The following INSYN1 variants were observed in gnomAD, a reference collection of about 807,000 sequenced individuals.
The protein encoded by INSYN1 is UPF0583 protein C15orf59.
In INSYN1, 7 loss-of-function variants were observed where a neutral mutation model predicts 17.1. That is an observed-to-expected ratio of 0.41 (90% CI 0.23 to 0.77). The LOEUF is 0.77. INSYN1 is among the 30% of genes least tolerant of loss of function. The pLI is 0.32. For missense variants in INSYN1, 339 were observed against 400.6 expected (o/e 0.85, Z 1.31); for synonymous variants, 174 against 166.3 (o/e 1.05, Z -0.36).
chr15:73,739,841 ATAT>A lies in INSYN1; in HGVS notation c.*73_*75del. The A allele has an allele frequency of 1.2e-5, 1 of 83,524 alleles. No homozygotes were observed. Among genetic ancestry groups the A allele is most frequent in the Non-Finnish European group, 2.6e-5 (1 of 38,150 alleles). The allele number at this position is 83,524 out of a possible 1,614,324, so 5.2% of individuals were successfully genotyped here. ...TTATTATGACTTCATTTGTTTAAAT[ATAT>A]ATATATATATATATATATATATATT... On this transcript the variant is annotated 3_prime_UTR_variant, in exon 3 of 3. Transcript: ENST00000569673.
intron 2 of INSYN1, among the ~76,000 whole-genome samples, chr15:73,743,107 C>T (rs1010965648): frequency 2.6e-5 from 4 of 152,206 alleles, no homozygotes; most frequent in African/African-American, 7.2e-5. Context: ...TTGCTGCTGC[C>T]TGAGGGCGGG....
intron 2 of INSYN1, among the ~76,000 whole-genome samples, chr15:73,744,981 A>T (rs1901784887): frequency 7.0e-6 from 1 of 142,440 alleles, no homozygotes. Flanking sequence ...AGGGAGCCCT[A>T]GAGAGCAAGG....
intron 2 of INSYN1, among the ~76,000 whole-genome samples, chr15:73,743,869 G>C (rs1320004614): frequency 1.3e-5 from 1 of 74,106 alleles, no homozygotes; most frequent in African/African-American, 4.6e-5. Flanking sequence ...GAAAGAAAAA[G>C]AAAATTTAAC....
intron 2 of INSYN1, among the ~76,000 whole-genome samples, chr15:73,744,032 A>G (rs1901761910): frequency 6.6e-6 from 1 of 152,030 alleles, no homozygotes; most frequent in Non-Finnish European, 1.5e-5. Context: ...TCATCATCAA[A>G]GGAGAATTCT....
rs577007710 is a variant in INSYN1 at position 73,748,913 on chromosome 15, G to T, written c.156+2062C>A. ...TGGCAGCGGGCAGGCAGTGGCATAC[G>T]GGGTAGGCTCTGGTTGCCGTAGCAA... On this transcript the variant is annotated intron_variant, in intron 2 of 2. Coordinates refer to ENST00000569673, the MANE Select transcript of INSYN1 (RefSeq NM_001039614.3). Among the ~76,000 whole-genome samples, 23 of 152,302 alleles carry T rather than the reference G, an allele frequency of 1.5e-4. No individual in the cohort carries two copies. The South Asian group carries it at 2.3e-3, about 15-fold the overall frequency.
chr15:73,746,933 C>T (rs1901850895), intron 2 of INSYN1, among the ~76,000 whole-genome samples: 1 of 152,162 alleles, frequency 6.6e-6, no homozygotes, highest in African/African-American at 2.4e-5. Flanking sequence ...CAGATTCCCA[C>T]CCAGAAACAT....
rs1902038671 is a variant in INSYN1, at chr15:73,753,145, A to C, written c.-1603T>G. Among the ~76,000 whole-genome samples the C allele has an allele frequency of 7.0e-6, 1 of 143,212 alleles. No individual in the cohort carries two copies. Among genetic ancestry groups the C allele is most frequent in the South Asian group, 2.2e-4 (1 of 4,448 alleles). The allele number at this position is 143,212 out of a possible 152,430, so 94.0% of individuals were successfully genotyped here. ...CCGGGTCGGGGCTGGGCCTCCCTTCACCGCCTCGCCCTGCCCTGCCCCGCC... is the reference window on the plus strand; with the variant it reads ...CCGGGTCGGGGCTGGGCCTCCCTTCCCCGCCTCGCCCTGCCCTGCCCCGCC... On this transcript the variant is annotated 5_prime_UTR_variant, in exon 1 of 3. Coordinates refer to ENST00000569673, the MANE Select transcript of INSYN1 (RefSeq NM_001039614.3). This position sits in a 1 kb window ranked among gnomAD's most constrained non-coding sequence, Gnocchi z 4.2.
intron 2 of INSYN1, among the ~76,000 whole-genome samples, chr15:73,746,258 T>C (rs1341548904): frequency 6.6e-6 from 1 of 152,108 alleles, no homozygotes; most frequent in Non-Finnish European, 1.5e-5. Context: ...ATCCTGCAAT[T>C]TGGCCTAATT....
rs181208034 is a variant in INSYN1 at position 73,737,284 on chromosome 15, A to G, written c.*2633T>C. 19 of 152,368 alleles carry G rather than the reference A, an allele frequency of 1.2e-4. No homozygotes were observed. The highest frequency in any genetic ancestry group is 4.3e-4 in the African/African-American group (18 of 41,588). 9.4% of individuals were successfully genotyped at this position (152,368 alleles called of 1,614,324 possible). A position where few individuals can be genotyped will look rare whatever the true frequency, so the allele number is the denominator to read the frequency against. ...CTGTGAGCCTGAAAGTGCTCTTGCC[A>G]TGACAGATGAAATGCAAGCCTCAGA... On this transcript the variant is annotated 3_prime_UTR_variant, in exon 3 of 3. Coordinates refer to ENST00000569673, the MANE Select transcript of INSYN1 (RefSeq NM_001039614.3).
At chr15:73,750,865 A>G in intron 2 of INSYN1, 110 bp downstream of exon 2, 1 of 1,167,068 alleles carries the variant, frequency 8.6e-7, no homozygotes, top group Non-Finnish European at 1.3e-6. Flanking sequence ...GTAGAGTGAC[A>G]CATGTGCACG....
intron 2 of INSYN1, among the ~76,000 whole-genome samples, chr15:73,743,590 C>A (rs536245161): frequency 1.3e-5 from 2 of 151,746 alleles, no homozygotes; most frequent in African/African-American, 4.8e-5. Context: ...GAGGCCGAGG[C>A]GGGCAGATCA....
At chr15:73,745,810 A>AAAAACAAAACAAAACAAAAC (rs10623860) in intron 2 of INSYN1, among the ~76,000 whole-genome samples, 9,631 of 149,828 alleles carry the variant, frequency 0.064, 376 homozygotes, top group African/African-American at 0.079. Flanking sequence ...CTCCGTCTCA[A>AAAAACAAAACAAAACAAAAC]AAAACAAAAC....
At chr15:73,746,299 G>A (rs1901829461) in intron 2 of INSYN1, among the ~76,000 whole-genome samples, 1 of 152,088 alleles carries the variant, frequency 6.6e-6, no homozygotes, top group South Asian at 2.1e-4. Context: ...TCTGTCCGGA[G>A]GAGGAGAAGG....
intron 2 of INSYN1, among the ~76,000 whole-genome samples, chr15:73,745,672 T>C (rs910702290): frequency 6.6e-6 from 1 of 151,878 alleles, no homozygotes; most frequent in South Asian, 2.1e-4. Flanking sequence ...GAGTGATGAG[T>C]TGAGACAGAT....
chr15:73,750,937 C>T (rs1318525386), intron 2 of INSYN1, 38 bp downstream of exon 2: 2 of 1,612,122 alleles, frequency 1.2e-6, no homozygotes, highest in Admixed American at 3.3e-5. Flanking sequence ...AGAAGGTTGG[C>T]TTAGGGTCTG....
intron 2 of INSYN1, among the ~76,000 whole-genome samples, chr15:73,750,722 C>T (rs1162311583): frequency 1.3e-5 from 2 of 152,158 alleles, no homozygotes; most frequent in Non-Finnish European, 1.5e-5. Context: ...TGTGCTAACC[C>T]AGAGCTCCAG....
chr15:73,747,402 T>C (rs1381595505), intron 2 of INSYN1, among the ~76,000 whole-genome samples: 1 of 152,172 alleles, frequency 6.6e-6, no homozygotes, highest in East Asian at 1.9e-4. Context: ...AAGAAACTGA[T>C]GTGATTCCAG....
chr15:73,739,865 A>ATATT lies in INSYN1; in HGVS notation c.*48_*51dup, dbSNP rs1555422464. 2.8e-3 allele frequency: 922 copies of ATATT among 328,698 alleles called. 24 individuals are homozygous for ATATT. The highest frequency in any genetic ancestry group is 5.8e-3 in the Middle Eastern group (5 of 866). The allele number at this position is 328,698 out of a possible 1,614,324, so 20.4% of individuals were successfully genotyped here. A position where few individuals can be genotyped will look rare whatever the true frequency, so the allele number is the denominator to read the frequency against. ...TATATATATATATATATATATATAT[A>ATATT]TATTTATTTATAGCTCTATGTGCCC... On this transcript the variant is annotated 3_prime_UTR_variant, in exon 3 of 3. Coordinates refer to ENST00000569673, the MANE Select transcript of INSYN1 (RefSeq NM_001039614.3).
Position 73,752,935 on chromosome 15 carries a change from G to A in INSYN1, c.-1393C>T, listed in dbSNP as rs1472868001. On this transcript the variant is annotated 5_prime_UTR_variant, in exon 1 of 3. Coordinates refer to ENST00000569673, the MANE Select transcript of INSYN1 (RefSeq NM_001039614.3). This position sits in a 1 kb window ranked among gnomAD's most constrained non-coding sequence, Gnocchi z 5.2. ...CGGAGGAGAGGAGAGGAGGCGAGAA[G>A]AGGCGAGGGGAGGAGGCGCGGCGAG... Among the ~76,000 whole-genome samples the A allele has an allele frequency of 6.7e-6, 1 of 149,736 alleles. No individual in the cohort carries two copies. Among genetic ancestry groups the A allele is most frequent in the East Asian group, 2.0e-4 (1 of 5,034 alleles).
Sources: allele counts gnomAD v4.1 joint callset (sites outside exome capture counted in the v4.1 genomes callset), GRCh38; gene constraint gnomAD v4.1.1; non-coding constraint Gnocchi (gnomAD v3.1); transcripts MANE v1.5; gene names NCBI Gene and HGNC (gene_info 2026-07-23, HGNC 2026-07-21).